The following KLHL1 variants were observed in gnomAD, a reference collection of about 807,000 sequenced individuals.
KLHL1 encodes kelch like family member 1, also known as kelch-like protein 1.
A neutral mutation model predicts 77.7 loss-of-function variants in KLHL1; 47 were observed. The ratio of observed to expected loss-of-function variants is 0.60; its 90% CI spans 0.48 to 0.77. The LOEUF is 0.77. KLHL1 is among the 30% of genes least tolerant of loss of function. The pLI, the probability that KLHL1 is intolerant of heterozygous loss-of-function variation, is 0.00. For synonymous variants in KLHL1, 360 were observed against 325.2 expected (o/e 1.11, Z -1.15); for missense variants, 925 against 910.8 (o/e 1.02, Z -0.20).
In KLHL1 at chr13:69,940,074, A is replaced by G. The variant is rs554145158; in HGVS notation, c.980T>C (p.Ile327Thr). ...IRAFADAQGC[I>T]ELMKVAHSYT... Reference sequence around the variant, plus strand: ...GCTGTGGGCCACCTTCATTAACTCAATGCATCCTTGAGCATCTGCGAAGGC... The same window carrying G: ...GCTGTGGGCCACCTTCATTAACTCAGTGCATCCTTGAGCATCTGCGAAGGC... The change falls in exon 4 of 11, where the codon ATT becomes ACT. Residue 327 changes from isoleucine (I) to threonine (T), a missense_variant. Transcript: ENST00000377844. The G allele has an allele frequency of 5.7e-5, 92 of 1,611,414 alleles. 2 individuals are homozygous for G. The South Asian group carries it at 9.4e-4, about 16-fold the overall frequency.
intron 5 of KLHL1, among the ~76,000 whole-genome samples, chr13:69,855,329 TAGATAGATAGATAGATAGAC>T (rs1420721088): frequency 0.029 from 3,259 of 113,156 alleles, 118 homozygotes; most frequent in African/African-American, 0.093. Flanking sequence ...GATAGATAGA[TAGATAGATAGATAGATAGAC>T]AGACAGATAG....
At chr13:70,082,999 A>G (rs1316982948) in intron 1 of KLHL1, among the ~76,000 whole-genome samples, 2 of 152,140 alleles carry the variant, frequency 1.3e-5, no homozygotes, top group African/African-American at 4.8e-5. Context: ...CCCAGGGTTG[A>G]AAAACTATTT....
chr13:69,930,249 AAAAG>A (rs1265695445), intron 4 of KLHL1, among the ~76,000 whole-genome samples: 1 of 151,886 alleles, frequency 6.6e-6, no homozygotes, highest in Non-Finnish European at 1.5e-5. Flanking sequence ...ATGTGAAAGA[AAAAG>A]AAAGTGCATC....
At chr13:69,761,337 G>A (rs1243743085) in intron 7 of KLHL1, among the ~76,000 whole-genome samples, 1 of 151,798 alleles carries the variant, frequency 6.6e-6, no homozygotes, top group African/African-American at 2.4e-5. Context: ...TGAACAGTTG[G>A]CTGCCTGTGG....
rs763846267 is a variant in KLHL1, at chr13:69,940,239, A to G, written c.818-3T>C. 4 of 1,588,010 alleles carry G rather than the reference A, an allele frequency of 2.5e-6. No individual in the cohort carries two copies. The Admixed American group carries it at 5.6e-5, about 22-fold the overall frequency. On this transcript the variant is annotated splice_polypyrimidine_tract_variant and splice_region_variant and intron_variant, in intron 3 of 10. Transcript: ENST00000377844. ...GTCCTCTTTTAATTCCAAGCAGCCT[A>G]AACATAAGCAAAGATAATTATGAAA...
At chr13:69,807,178 A>G (rs1174346240) in intron 6 of KLHL1, among the ~76,000 whole-genome samples, 6 of 152,120 alleles carry the variant, frequency 3.9e-5, no homozygotes, top group African/African-American at 1.4e-4. Flanking sequence ...CTCTGCAAGG[A>G]GCTGATGTGA....
chr13:69,788,359 T>G (rs534621443), intron 7 of KLHL1, among the ~76,000 whole-genome samples: 2 of 152,258 alleles, frequency 1.3e-5, no homozygotes, highest in Non-Finnish European at 2.9e-5. Flanking sequence ...ACGTCCTTTG[T>G]AGGGACATGG....
In KLHL1 at chr13:69,891,552, G is replaced by T. The variant is rs148089642; in HGVS notation, c.1015-9057C>A. On this transcript the variant is annotated intron_variant, in intron 4 of 10. Transcript: ENST00000377844. ...TAGCATTGACTTTTTAATAAAAAAG[G>T]AATGATATTCTAATTCTGATCCTTT... Among the ~76,000 whole-genome samples, 939 of 152,050 alleles carry T rather than the reference G, an allele frequency of 6.2e-3. 12 individuals are homozygous for T. The highest frequency in any genetic ancestry group is 0.021 in the African/African-American group (881 of 41,518).
intron 1 of KLHL1, among the ~76,000 whole-genome samples, chr13:70,052,326 C>A (rs560553445): frequency 2.0e-5 from 3 of 151,456 alleles, no homozygotes; most frequent in Non-Finnish European, 4.4e-5. Context: ...CCTATGTAAA[C>A]TGATGAGAAA....
chr13:69,975,574 T>A, intron 2 of KLHL1, 46 bp downstream of exon 2: 1 of 1,538,408 alleles, frequency 6.5e-7, no homozygotes, highest in Non-Finnish European at 8.8e-7. Flanking sequence ...GTCTGGCACT[T>A]TTAAACATGT....
chr13:70,016,863 C>T (rs1217470343), intron 1 of KLHL1, among the ~76,000 whole-genome samples: 1 of 152,050 alleles, frequency 6.6e-6, no homozygotes, highest in Non-Finnish European at 1.5e-5. Flanking sequence ...CATGGCCACC[C>T]ATGGACAAAT....
Position 69,707,692 on chromosome 13 carries a change from C to A in KLHL1, c.2120G>T (p.Gly707Val), listed in dbSNP as rs764168110. 10 of 1,612,648 alleles carry A rather than the reference C, an allele frequency of 6.2e-6. No individual in the cohort carries two copies. The highest frequency in any genetic ancestry group is 8.5e-6 in the Non-Finnish European group (10 of 1,179,202). ...LLGDRLYAVG[G>V]YDGQTYLNTM... Reference sequence around the variant, plus strand: ...GTTGAGGTATGTCTGTCCATCATAGCCACCAACAGCATATAATCTGTCACC... The same window carrying A: ...GTTGAGGTATGTCTGTCCATCATAGACACCAACAGCATATAATCTGTCACC... The change falls in exon 10 of 11, where the codon GGC becomes GTC. Residue 707 changes from glycine (G) to valine (V), a missense_variant. By Grantham distance (109) the Gly-to-Val change is moderately radical. Transcript: ENST00000377844.
chr13:70,106,056 A>T (rs1203941760), intron 1 of KLHL1, among the ~76,000 whole-genome samples: 1 of 151,182 alleles, frequency 6.6e-6, no homozygotes, highest in South Asian at 2.1e-4. Context: ...ATGTCAGCAT[A>T]ATTAGGGAGC....
intron 1 of KLHL1, among the ~76,000 whole-genome samples, chr13:70,073,705 A>G (rs1887192211): frequency 6.6e-6 from 1 of 152,110 alleles, no homozygotes; most frequent in South Asian, 2.1e-4. Flanking sequence ...TGGGCCCAGC[A>G]GCTAGAGGCT....
intron 1 of KLHL1, among the ~76,000 whole-genome samples, chr13:70,015,575 G>A (rs764095793): frequency 2.0e-5 from 3 of 152,018 alleles, no homozygotes; most frequent in Non-Finnish European, 4.4e-5. Context: ...TGACTCTTCC[G>A]TTTTTCATTT....
intron 1 of KLHL1, among the ~76,000 whole-genome samples, chr13:70,033,467 T>G (rs1218446192): frequency 6.6e-6 from 1 of 151,808 alleles, no homozygotes; most frequent in Admixed American, 6.6e-5. Flanking sequence ...TTTGTTTTTT[T>G]ATTTTTATTT....
intron 7 of KLHL1, among the ~76,000 whole-genome samples, chr13:69,793,836 G>C (rs548849583): frequency 6.6e-6 from 1 of 152,244 alleles, no homozygotes; most frequent in South Asian, 2.1e-4. Context: ...GTGACGTTCT[G>C]AGTGAGATAA....
chr13:69,865,518 A>G (rs924617557), intron 5 of KLHL1, among the ~76,000 whole-genome samples: 6 of 152,114 alleles, frequency 3.9e-5, no homozygotes, highest in Non-Finnish European at 8.8e-5. Context: ...GTGTTTTTAA[A>G]AAATTTACTG....
intron 5 of KLHL1, among the ~76,000 whole-genome samples, chr13:69,869,574 C>T (rs1308000930): frequency 6.6e-6 from 1 of 152,040 alleles, no homozygotes; most frequent in Admixed American, 6.6e-5. Context: ...TAGGTCTCCT[C>T]CATTTAACTC....
Sources: allele counts gnomAD v4.1 joint callset (sites outside exome capture counted in the v4.1 genomes callset), GRCh38; gene constraint gnomAD v4.1.1; transcripts MANE v1.5; gene names NCBI Gene and HGNC (gene_info 2026-07-23, HGNC 2026-07-21).